The following ADGRD1 variants were observed in gnomAD, a reference collection of about 807,000 sequenced individuals.
The protein encoded by ADGRD1 is G-protein coupled receptor 133.
A neutral mutation model predicts 113.4 loss-of-function variants in ADGRD1; 77 were observed. That is an observed-to-expected ratio of 0.68 (90% CI 0.57 to 0.82). The LOEUF (loss-of-function observed/expected upper bound fraction) is 0.82, where lower values mean the gene tolerates loss of function less well. Among genes scored for constraint, ADGRD1 ranks in the 40% least tolerant of loss-of-function variants. The pLI, the probability that ADGRD1 is intolerant of heterozygous loss-of-function variation, is 0.00. For missense variants in ADGRD1, 1,036 were observed against 1,139.1 expected (o/e 0.91, Z 1.30); for synonymous variants, 474 against 475.0 (o/e 1.00, Z 0.03).
chr12:130,979,313 T>G (rs1872685764), intron 4 of ADGRD1, among the ~76,000 whole-genome samples: 1 of 152,252 alleles, frequency 6.6e-6, no homozygotes, highest in South Asian at 2.1e-4. Context: ...TCTTAAAAAA[T>G]AAAATGGGGA....
intron 13 of ADGRD1, among the ~76,000 whole-genome samples, chr12:131,020,597 C>G (rs1879214908): frequency 6.6e-6 from 1 of 152,242 alleles, no homozygotes; most frequent in Non-Finnish European, 1.5e-5. Context: ...GGACATGGGC[C>G]AGGTCTGAAC....
intron 4 of ADGRD1, among the ~76,000 whole-genome samples, chr12:130,974,817 C>T (rs1004365524): frequency 1.3e-5 from 2 of 151,782 alleles, no homozygotes; most frequent in South Asian, 4.2e-4. Context: ...CTGCTCCGGA[C>T]CCCCGCTCCC....
chr12:131,004,039 TTGAGGCCATGCTTTC>T, intron 10 of ADGRD1, 132 bp from the exon 11 acceptor site: 1 of 576,830 alleles, frequency 1.7e-6, no homozygotes, highest in Non-Finnish European at 3.1e-6. Context: ...TTTTTTTTTT[TTGAGGCCATGCTTTC>T]TAAAGGTAAT....
At chr12:131,028,730 T>G (rs1459116155) in intron 13 of ADGRD1, among the ~76,000 whole-genome samples, 3 of 152,138 alleles carry the variant, frequency 2.0e-5, no homozygotes, top group Non-Finnish European at 4.4e-5. Context: ...GCCTTTGCCG[T>G]CAGTCACGGG....
Position 131,071,605 on chromosome 12 carries a change from A to G in ADGRD1, c.1474-5196A>G, listed in dbSNP as rs561221970. Among the ~76,000 whole-genome samples, 16 of 152,306 alleles carry G rather than the reference A, an allele frequency of 1.1e-4. No homozygotes were observed. In the East Asian group the frequency reaches 3.1e-3, roughly 29 times the overall value. On this transcript the variant is annotated intron_variant, in intron 13 of 24. Transcript: ENST00000261654. ...AGGATGGAACCTCTCCACACATACC[A>G]TGGCCACAGTGCAGGTGACCCCAGT...
Position 130,965,683 on chromosome 12 carries a change from G to A in ADGRD1, c.104-780G>A, listed in dbSNP as rs1870928762. On this transcript the variant is annotated intron_variant, in intron 2 of 24. Coordinates refer to ENST00000261654, the MANE Select transcript of ADGRD1 (RefSeq NM_198827.5). The surrounding 1 kb of genome is among the most constrained non-coding windows in gnomAD (Gnocchi z 4.8). ...CTGTTACCCAAACTCAATTATGAGG[G>A]TTAGATAGAAACAAAGAAATAATTC... 6.6e-6 allele frequency among the ~76,000 whole-genome samples: 1 copy of A among 152,214 alleles called. No homozygotes were observed. Among genetic ancestry groups the A allele is most frequent in the Non-Finnish European group, 1.5e-5 (1 of 68,024 alleles).
At position 131,041,268 on chromosome 12, in the gene ADGRD1, C is replaced by T. The variant is rs549542518; in HGVS notation, c.1473+26928C>T. On this transcript the variant is annotated intron_variant, in intron 13 of 24. Transcript: ENST00000261654. The surrounding 1 kb of genome is among the most constrained non-coding windows in gnomAD (Gnocchi z 4.4). ...TGGTTCTTGGATGATCTTGTGGAGC[C>T]GGAGGGTGTGGGTGGGGGATGTGGG... 2.0e-5 allele frequency among the ~76,000 whole-genome samples: 3 copies of T among 152,146 alleles called. No individual in the cohort carries two copies. The highest frequency in any genetic ancestry group is 4.8e-5 in the African/African-American group (2 of 41,496).
intron 18 of ADGRD1, among the ~76,000 whole-genome samples, chr12:131,109,447 A>G (rs558446872): frequency 2.0e-5 from 3 of 152,228 alleles, no homozygotes; most frequent in South Asian, 4.1e-4. Flanking sequence ...TTGTGTCTTC[A>G]TTTTAAATTC....
At chr12:131,105,272 C>G (rs1950206434) in intron 16 of ADGRD1, among the ~76,000 whole-genome samples, 1 of 152,220 alleles carries the variant, frequency 6.6e-6, no homozygotes, top group African/African-American at 2.4e-5. Flanking sequence ...TGGACAATAA[C>G]CAAGTAAACA....
intron 20 of ADGRD1, 116 bp downstream of exon 20, chr12:131,121,029 C>G: frequency 1.1e-6 from 1 of 889,168 alleles, no homozygotes; most frequent in Admixed American, 2.3e-5. Context: ...GATGCAGCGT[C>G]GTTCCTCGGT....
intron 19 of ADGRD1, 81 bp from the exon 20 acceptor site, chr12:131,120,766 C>A (rs1566127232): frequency 1.4e-6 from 2 of 1,387,388 alleles, no homozygotes; most frequent in Non-Finnish European, 1.0e-6. Flanking sequence ...AAAGACATCA[C>A]CTTAGCAACT....
chr12:131,000,901 G>A (rs575833972), intron 9 of ADGRD1, among the ~76,000 whole-genome samples: 10 of 152,236 alleles, frequency 6.6e-5, no homozygotes, highest in African/African-American at 2.4e-4. Context: ...CTGACATCTG[G>A]GATATAAGAG....
chr12:131,036,737 T>TG (rs1881480375), intron 13 of ADGRD1, among the ~76,000 whole-genome samples: 1 of 84,250 alleles, frequency 1.2e-5, no homozygotes, highest in South Asian at 6.0e-4. Flanking sequence ...ACTCACTGCA[T>TG]GGGGCCTCAC....
chr12:131,030,975 G>T (rs760583133), intron 13 of ADGRD1, among the ~76,000 whole-genome samples: 21 of 152,160 alleles, frequency 1.4e-4, no homozygotes, highest in Non-Finnish European at 2.4e-4. Flanking sequence ...CCTTCCAGAG[G>T]AGCACTCGCC....
At chr12:131,046,419 G>GCTCCCTCCCTGGTCAGTGTC (rs1593114371) in intron 13 of ADGRD1, among the ~76,000 whole-genome samples, 2 of 125,360 alleles carry the variant, frequency 1.6e-5, no homozygotes, top group East Asian at 4.9e-4. Context: ...CCTGGTCAGC[G>GCTCCCTCCCTGGTCAGTGTC]CTCCCTCCCT....
chr12:131,119,968 A>G (rs2137410500), intron 19 of ADGRD1, among the ~76,000 whole-genome samples: 1 of 152,290 alleles, frequency 6.6e-6, no homozygotes, highest in African/African-American at 2.4e-5. Flanking sequence ...TGAGCTATTT[A>G]GGGCTCAGAT....
At chr12:131,119,459 G>T (rs960222213) in intron 19 of ADGRD1, among the ~76,000 whole-genome samples, 18 of 152,194 alleles carry the variant, frequency 1.2e-4, no homozygotes, top group Non-Finnish European at 2.2e-4. Context: ...CAGCTCAATG[G>T]CATTTGTTCC....
intron 5 of ADGRD1, 104 bp downstream of exon 5, chr12:130,982,167 C>A: frequency 1.0e-6 from 1 of 964,876 alleles, no homozygotes; most frequent in Non-Finnish European, 1.5e-6. Flanking sequence ...CCCAGGGATG[C>A]TGCTGCCTCC....
At chr12:131,020,228 C>G (rs1159529978) in intron 13 of ADGRD1, among the ~76,000 whole-genome samples, 226 of 118,638 alleles carry the variant, frequency 1.9e-3, no homozygotes, top group Admixed American at 4.3e-3. Flanking sequence ...GGGCAGGACC[C>G]CGAGCTCCAT....
Sources: gnomAD v4.1 joint callset for allele counts (sites outside exome capture counted in the v4.1 genomes callset) on GRCh38, gnomAD v4.1.1 for gene constraint, Gnocchi (gnomAD v3.1) non-coding constraint, MANE v1.5 for transcripts, NCBI Gene and HGNC (gene_info 2026-07-23, HGNC 2026-07-21) for gene names.